Variants in CTDSPL2 observed in about 807,000 individuals in gnomAD.
CTDSPL2 encodes the protein CTD small phosphatase like 2.
A neutral mutation model predicts 60.0 loss-of-function variants in CTDSPL2; 5 were observed. The ratio of observed to expected loss-of-function variants is 0.08; its 90% CI spans 0.04 to 0.18. CTDSPL2 has a LOEUF of 0.18. Among genes scored for constraint, CTDSPL2 ranks in the 10% least tolerant of loss-of-function variants. CTDSPL2 has a pLI of 1.00. For synonymous variants in CTDSPL2, 186 were observed against 189.3 expected, an observed-to-expected ratio of 0.98 and a Z score of 0.14; for missense variants, 370 against 548.8, an observed-to-expected ratio of 0.67 and a Z score of 3.26.
At chr15:44,457,359 C>G (rs1216474982) in intron 1 of CTDSPL2, among the ~76,000 whole-genome samples, 1 of 152,234 alleles carries the variant, frequency 6.6e-6, no homozygotes. Context: ...CCTGCTGCTT[C>G]ACCTCACCTT....
chr15:44,467,736 G>A (rs1320441655), intron 2 of CTDSPL2, among the ~76,000 whole-genome samples: 3 of 151,998 alleles, frequency 2.0e-5, no homozygotes, highest in Admixed American at 6.6e-5. Flanking sequence ...ACCATGCCTG[G>A]CTAATTCTTT....
chr15:44,511,056 A>G (rs2081557282), intron 8 of CTDSPL2, among the ~76,000 whole-genome samples: 1 of 152,118 alleles, frequency 6.6e-6, no homozygotes, highest in African/African-American at 2.4e-5. Flanking sequence ...ACCCCAGCCC[A>G]GTACCTTTCT....
intron 2 of CTDSPL2, among the ~76,000 whole-genome samples, chr15:44,468,235 A>G (rs1299430572): frequency 1.3e-5 from 2 of 152,174 alleles, no homozygotes; most frequent in Non-Finnish European, 2.9e-5. Context: ...TTTCTCTAAT[A>G]TAGATGAGAT....
chr15:44,435,550 G>A (rs1482237311), intron 1 of CTDSPL2, among the ~76,000 whole-genome samples: 9 of 151,108 alleles, frequency 6.0e-5, no homozygotes, highest in Non-Finnish European at 1.2e-4. Context: ...GCCTGGGCAA[G>A]GAGAGAAACT....
At chr15:44,458,826 C>G (rs1211751873) in intron 1 of CTDSPL2, among the ~76,000 whole-genome samples, 165 bp from the exon 2 acceptor site, 1 of 152,000 alleles carries the variant, frequency 6.6e-6, no homozygotes, top group Non-Finnish European at 1.5e-5. Context: ...AAGCATAATG[C>G]CTTTTACTTA....
chr15:44,435,404 T>C (rs2079956741), intron 1 of CTDSPL2, among the ~76,000 whole-genome samples: 1 of 151,830 alleles, frequency 6.6e-6, no homozygotes, highest in Non-Finnish European at 1.5e-5. Context: ...ACCCCGTCTC[T>C]ACCAAAAATA....
At chr15:44,468,080 G>A (rs2080732718) in intron 2 of CTDSPL2, among the ~76,000 whole-genome samples, 2 of 152,078 alleles carry the variant, frequency 1.3e-5, no homozygotes, top group South Asian at 4.1e-4. Context: ...GTTGAGGACT[G>A]TTCCTCCTCT....
intron 2 of CTDSPL2, among the ~76,000 whole-genome samples, chr15:44,474,028 G>A (rs917087657): frequency 1.3e-5 from 2 of 151,998 alleles, no homozygotes; most frequent in African/African-American, 2.4e-5. Flanking sequence ...GGGTTTCGCC[G>A]TGTTGCCCAG....
intron 1 of CTDSPL2, among the ~76,000 whole-genome samples, chr15:44,444,275 C>T (rs1041267257): frequency 6.6e-6 from 1 of 150,516 alleles, no homozygotes; most frequent in Non-Finnish European, 1.5e-5. Flanking sequence ...AAACCATTGC[C>T]AAATCCAATG....
intron 7 of CTDSPL2, among the ~76,000 whole-genome samples, chr15:44,498,760 G>A (rs1218649917): frequency 3.3e-5 from 5 of 152,016 alleles, no homozygotes; most frequent in African/African-American, 9.7e-5. Flanking sequence ...TTAGCCGGGC[G>A]TGGTGGTGGG....
At chr15:44,517,740 C>T (rs1292902879) in intron 10 of CTDSPL2, among the ~76,000 whole-genome samples, 2 of 152,216 alleles carry the variant, frequency 1.3e-5, no homozygotes, top group Admixed American at 6.5e-5. Context: ...TTGCCACTAT[C>T]GGTGAAGAGG....
At chr15:44,439,545 G>C (rs543863475) in intron 1 of CTDSPL2, among the ~76,000 whole-genome samples, 12 of 145,168 alleles carry the variant, frequency 8.3e-5, no homozygotes, top group African/African-American at 1.3e-4. Context: ...GTTTTTTTTG[G>C]GGGGGGGGGA....
Position 44,514,721 on chromosome 15 carries a change from T to G in CTDSPL2, c.1033-44T>G, listed in dbSNP as rs1489252815. On this transcript the variant is annotated intron_variant, in intron 9 of 12. Transcript: ENST00000260327. ...ATTTTATTCAATATAGTACCCATATTTAGACCATGTATAATGATTACTTCT... is the reference window on the plus strand; with the variant it reads ...ATTTTATTCAATATAGTACCCATATGTAGACCATGTATAATGATTACTTCT... 1.3e-6 allele frequency: 2 copies of G among 1,526,566 alleles called. 1 individual carries two copies. The highest frequency in any genetic ancestry group is 2.3e-5 in the South Asian group (2 of 88,648). 94.6% of individuals were successfully genotyped at this position (1,526,566 alleles called of 1,614,324 possible). A position where few individuals can be genotyped will look rare whatever the true frequency, so the allele number is the denominator to read the frequency against.
At chr15:44,513,924 G>T (rs981416309) in intron 8 of CTDSPL2, among the ~76,000 whole-genome samples, 4 of 152,118 alleles carry the variant, frequency 2.6e-5, no homozygotes, top group Admixed American at 6.6e-5. Flanking sequence ...AGTTCTGTGG[G>T]TACTGTAGTC....
At chr15:44,519,464 G>A (rs1180271663) in intron 11 of CTDSPL2, among the ~76,000 whole-genome samples, 169 bp downstream of exon 11, 1 of 151,980 alleles carries the variant, frequency 6.6e-6, no homozygotes, top group Non-Finnish European at 1.5e-5. Flanking sequence ...TATTCCTTTT[G>A]GAAAATTTTT....
chr15:44,515,111 G>GT (rs2081627216), intron 10 of CTDSPL2, among the ~76,000 whole-genome samples: 1 of 150,526 alleles, frequency 6.6e-6, no homozygotes, highest in Admixed American at 6.6e-5. Flanking sequence ...GAAGACGGGG[G>GT]TTGGGGGGGT....
chr15:44,500,383 A>G (rs2081365947), intron 8 of CTDSPL2, among the ~76,000 whole-genome samples: 1 of 152,184 alleles, frequency 6.6e-6, no homozygotes, highest in Non-Finnish European at 1.5e-5. Flanking sequence ...AATATCATTA[A>G]CATTTCACTG....
chr15:44,516,821 A>G (rs1019004409), intron 10 of CTDSPL2: 2 of 151,096 alleles, frequency 1.3e-5, no homozygotes, highest in African/African-American at 4.9e-5. Flanking sequence ...GAGAAATCTG[A>G]AACAAAAGCT....
chr15:44,476,792 CAT>C (rs1219393765), intron 2 of CTDSPL2, among the ~76,000 whole-genome samples: 4 of 152,312 alleles, frequency 2.6e-5, no homozygotes, highest in Non-Finnish European at 5.9e-5. Context: ...TTTCTCAAAA[CAT>C]ATCCCAGTTG....
Sources: gnomAD v4.1 joint callset for allele counts (sites outside exome capture counted in the v4.1 genomes callset) on GRCh38, gnomAD v4.1.1 for gene constraint, MANE v1.5 for transcripts, NCBI Gene and HGNC (gene_info 2026-07-23, HGNC 2026-07-21) for gene names.